RHCE: variants seen among roughly 807,000 people sequenced by gnomAD.
RHCE encodes the protein blood group Rh(CE) polypeptide.
In RHCE, 22 loss-of-function variants were observed where a neutral mutation model predicts 43.8. That is an observed-to-expected ratio of 0.50 (90% CI 0.36 to 0.72). The LOEUF is 0.72. RHCE is among the 30% of genes least tolerant of loss of function. RHCE has a pLI of 0.00. For synonymous variants in RHCE, 156 were observed against 210.7 expected, an observed-to-expected ratio of 0.74 and a Z score of 2.25; for missense variants, 385 against 525.4, an observed-to-expected ratio of 0.73 and a Z score of 2.61.
chr1:25,402,202 GTCTGTCTATCTA>G (rs1299687244), intron 3 of RHCE, among the ~76,000 whole-genome samples: 12 of 118,410 alleles, frequency 1.0e-4, no homozygotes, highest in African/African-American at 2.3e-4. Flanking sequence ...CTGTCTGTCT[GTCTGTCTATCTA>G]TCTATCTATC....
intron 7 of RHCE, among the ~76,000 whole-genome samples, chr1:25,379,809 G>A (rs1375893795): frequency 6.6e-6 from 1 of 152,044 alleles, no homozygotes; most frequent in Non-Finnish European, 1.5e-5. Context: ...TGAGTAGCTA[G>A]AATTACAGGC....
upstream of RHCE, among the ~76,000 whole-genome samples, chr1:25,424,108 C>T (rs2042787711): frequency 6.6e-6 from 1 of 152,194 alleles, no homozygotes; most frequent in Admixed American, 6.5e-5. Context: ...AATACTTTAT[C>T]ATAAAATAGG....
At chr1:25,369,468 T>C (rs1160601328) in intron 9 of RHCE, among the ~76,000 whole-genome samples, 1 of 151,570 alleles carries the variant, frequency 6.6e-6, no homozygotes, top group East Asian at 1.9e-4. Context: ...CTGCGTGAAC[T>C]ATGAGTGTAG....
chr1:25,424,827 G>C (rs912578892), upstream of RHCE, among the ~76,000 whole-genome samples: 7 of 151,766 alleles, frequency 4.6e-5, no homozygotes, highest in Non-Finnish European at 1.0e-4. Context: ...TGTGTATTTA[G>C]GTTTTTTTTT....
At chr1:25,379,495 ATT>A (rs770791604) in intron 7 of RHCE, among the ~76,000 whole-genome samples, 21 of 27,064 alleles carry the variant, frequency 7.8e-4, no homozygotes, top group East Asian at 2.1e-3. Flanking sequence ...ATATATATAT[ATT>A]TTTTTTTTTT....
In RHCE at chr1:25,412,730, A is replaced by T. The variant is rs28582282; in HGVS notation, c.149-3861T>A. On this transcript the variant is annotated intron_variant, in intron 1 of 9. Coordinates refer to ENST00000294413, the MANE Select transcript of RHCE (RefSeq NM_020485.8). Reference sequence around the variant, plus strand: ...ACCCTTTTTTTAAAAAAAAAAAAAAAAAAAAAAAAAAAGGCCGGGCACAGT... The same window carrying T: ...ACCCTTTTTTTAAAAAAAAAAAAAATAAAAAAAAAAAAGGCCGGGCACAGT... Among the ~76,000 whole-genome samples the T allele has an allele frequency of 3.1e-3, 460 of 149,360 alleles. 4 individuals carry two copies. The highest frequency in any genetic ancestry group is 0.011 in the African/African-American group (446 of 40,252).
At chr1:25,395,755 C>T (rs1283971208) in intron 3 of RHCE, among the ~76,000 whole-genome samples, 1 of 152,130 alleles carries the variant, frequency 6.6e-6, no homozygotes, top group Non-Finnish European at 1.5e-5. Flanking sequence ...AGTGGATGAA[C>T]AGAGAAGCGA....
intron 7 of RHCE, among the ~76,000 whole-genome samples, chr1:25,376,566 C>T (rs1645792985): frequency 6.6e-6 from 1 of 152,136 alleles, no homozygotes; most frequent in Non-Finnish European, 1.5e-5. Flanking sequence ...CAGTCCCTAC[C>T]TCATAAGATC....
At chr1:25,384,586 A>C (rs1278913188) in intron 7 of RHCE, among the ~76,000 whole-genome samples, 1 of 152,124 alleles carries the variant, frequency 6.6e-6, no homozygotes, top group Non-Finnish European at 1.5e-5. Context: ...TGCTTCACAC[A>C]GCTCATCCCC....
intron 1 of RHCE, among the ~76,000 whole-genome samples, chr1:25,409,778 C>G (rs1230947112): frequency 6.7e-6 from 1 of 149,242 alleles, no homozygotes; most frequent in Non-Finnish European, 1.5e-5. Flanking sequence ...CATAGACTAT[C>G]TTGTTTCGTT....
chr1:25,376,838 C>T (rs1294273128), intron 7 of RHCE, among the ~76,000 whole-genome samples: 2 of 151,880 alleles, frequency 1.3e-5, no homozygotes, highest in Non-Finnish European at 2.9e-5. Context: ...GGTGTGAACC[C>T]AGGAGGTGGA....
rs192618083 is a variant in RHCE at position 25,372,611 on chromosome 1, C to T, written c.1154-2071G>A. Among the ~76,000 whole-genome samples, 690 of 151,742 alleles carry T rather than the reference C, an allele frequency of 4.5e-3. 31 individuals are homozygous for T. The highest frequency in any genetic ancestry group is 0.016 in the African/African-American group (665 of 41,118). On this transcript the variant is annotated intron_variant, in intron 8 of 9. Coordinates refer to ENST00000294413, the MANE Select transcript of RHCE (RefSeq NM_020485.8). ...GTACTTTACCTCTAGAAACCTAGCC[C>T]ACCTCTAATCTGCTATTTCTAATCT... is the stretch of plus-strand genomic sequence containing the variant.
At chr1:25,400,644 C>G (rs1023157206) in intron 3 of RHCE, among the ~76,000 whole-genome samples, 2 of 151,534 alleles carry the variant, frequency 1.3e-5, no homozygotes, top group Admixed American at 6.6e-5. Context: ...AACCTTTCCA[C>G]TAAGCTTCAG....
chr1:25,418,450 G>A (rs1283195289), intron 1 of RHCE, among the ~76,000 whole-genome samples: 1 of 151,988 alleles, frequency 6.6e-6, no homozygotes, highest in African/African-American at 2.4e-5. Flanking sequence ...TTACAGACGT[G>A]TGCCACCACA....
At chr1:25,428,984 C>T (rs963140058) in exon 2 of RHCE, 4 of 152,262 alleles carry the variant, frequency 2.6e-5, no homozygotes, top group Non-Finnish European at 5.9e-5. Context: ...GGGTGGGTCC[C>T]CACTGTGACC....
At chr1:25,413,606 G>C (rs1462261969) in intron 1 of RHCE, among the ~76,000 whole-genome samples, 1 of 151,952 alleles carries the variant, frequency 6.6e-6, no homozygotes, top group African/African-American at 2.4e-5. Context: ...GTCTAACCTG[G>C]TAGTTCAGCA....
In RHCE at chr1:25,392,198, C is replaced by A. The variant is rs573097889; in HGVS notation, c.487-57G>T. 9.3e-6 allele frequency: 15 copies of A among 1,613,340 alleles called. No individual in the cohort carries two copies. In the African/African-American group the frequency reaches 1.2e-4, roughly 13 times the overall value. ...TCGGCATCCTCTGCCCAGGGGAAAG[C>A]CCTGATGGTCCTTGGAGAAAGTTCA... is the stretch of plus-strand genomic sequence containing the variant. On this transcript the variant is annotated intron_variant, in intron 3 of 9. Transcript: ENST00000294413.
At chr1:25,393,392 G>A (rs1354895522) in intron 3 of RHCE, among the ~76,000 whole-genome samples, 2 of 152,118 alleles carry the variant, frequency 1.3e-5, no homozygotes, top group South Asian at 2.1e-4. Flanking sequence ...AGGCTGAGGT[G>A]GGTGGATCAC....
At chr1:25,379,485 ATATATATATAT>A (rs1278946786) in intron 7 of RHCE, among the ~76,000 whole-genome samples, 27 of 19,496 alleles carry the variant, frequency 1.4e-3, no homozygotes, top group East Asian at 2.3e-3. Context: ...ATATATATAT[ATATATATATAT>A]TTTTTTTTTT....
Sources: gnomAD v4.1 joint callset for allele counts (sites outside exome capture counted in the v4.1 genomes callset) on GRCh38, gnomAD v4.1.1 for gene constraint, MANE v1.5 for transcripts, NCBI Gene and HGNC (gene_info 2026-07-23, HGNC 2026-07-21) for gene names.